PCDHGA2: variants seen among roughly 807,000 people sequenced by gnomAD.
The protein encoded by PCDHGA2 is protocadherin gamma subfamily A, 2.
In PCDHGA2, 40 loss-of-function variants were observed where a neutral mutation model predicts 59.2. That is an observed-to-expected ratio of 0.68 (90% CI 0.52 to 0.88). The LOEUF (loss-of-function observed/expected upper bound fraction) is 0.88. Ranked by LOEUF, PCDHGA2 falls within the 40% of genes least tolerant of loss-of-function variation. PCDHGA2 has a pLI of 0.00. For synonymous variants in PCDHGA2, 560 were observed against 526.0 expected (o/e 1.06, Z -0.89); for missense variants, 1,226 against 1,204.0 (o/e 1.02, Z -0.27).
rs779949480 is a variant in PCDHGA2, at chr5:141,489,768, C to G, written c.2425-5039C>G. The G allele has an allele frequency of 6.2e-7, 1 of 1,614,134 alleles. No individual in the cohort carries two copies. The highest frequency in any genetic ancestry group is 1.1e-5 in the South Asian group (1 of 91,072). On this transcript the variant is annotated intron_variant, in intron 1 of 3. Coordinates refer to ENST00000394576, the MANE Select transcript of PCDHGA2 (RefSeq NM_018915.4). The surrounding 1 kb of genome is among the most constrained non-coding windows in gnomAD (Gnocchi z 4.5). ...GCTTTTACACTCTAAGCCCCAACAG[C>G]CACTTCTCTCTGAATGTGAAGACCC...
rs573137440 is a variant in PCDHGA2 at position 141,365,509 on chromosome 5, A to G, written c.2424+24114A>G. 14 of 1,613,912 alleles carry G rather than the reference A, an allele frequency of 8.7e-6. No individual in the cohort carries two copies. The East Asian group carries it at 2.9e-4, about 33-fold the overall frequency. On this transcript the variant is annotated intron_variant, in intron 1 of 3. Transcript: ENST00000394576. ...CTATTCCTAGGAATTTGCCTTTTAA[A>G]TTGGAGAAGTCAGTTGATAATTACT...
chr5:141,340,291 C>G lies in PCDHGA2; in HGVS notation c.1320C>G (p.Leu440=), dbSNP rs1392893091. 5.0e-6 allele frequency: 8 copies of G among 1,614,054 alleles called. No individual in the cohort carries two copies. The highest frequency in any genetic ancestry group is 4.4e-5 in the South Asian group (4 of 91,090). ...TGTCCACGGATGCTCACATTTTGCT[C>G]CAGGTGGCAGACATCAACGACAACG... The part of the protein sequence containing the change: ...PSLSTDAHIL[L]QVADINDNAP... Residue 440 remains leucine (L), a synonymous_variant, in exon 1 of 4, where the codon CTC becomes CTG. Coordinates refer to ENST00000394576, the MANE Select transcript of PCDHGA2 (RefSeq NM_018915.4).
intron 1 of PCDHGA2, chr5:141,405,178 T>C (rs769150671): frequency 3.1e-6 from 5 of 1,613,890 alleles, no homozygotes; most frequent in African/African-American, 2.7e-5. Flanking sequence ...ACTTTGTGGG[T>C]GTAGATGGGG....
intron 1 of PCDHGA2, among the ~76,000 whole-genome samples, chr5:141,457,543 A>G (rs555448211): frequency 2.6e-5 from 4 of 152,346 alleles, no homozygotes; most frequent in African/African-American, 9.6e-5. Flanking sequence ...TTAATGACAA[A>G]TGTATGATAA....
intron 1 of PCDHGA2, among the ~76,000 whole-genome samples, chr5:141,435,357 T>C (rs749223776): frequency 6.6e-6 from 1 of 152,208 alleles, no homozygotes; most frequent in Non-Finnish European, 1.5e-5. Flanking sequence ...CATTTAAAAT[T>C]TTATCACTTA....
intron 1 of PCDHGA2, chr5:141,372,371 G>A: frequency 6.2e-7 from 1 of 1,613,974 alleles, no homozygotes; most frequent in Non-Finnish European, 8.5e-7. Flanking sequence ...CCACCGTCAT[G>A]CTGCACCTAA....
At chr5:141,458,319 T>C (rs2879229) in intron 1 of PCDHGA2, among the ~76,000 whole-genome samples, 84,591 of 151,864 alleles carry the variant, frequency 0.56, 26,265 homozygotes, top group African/African-American at 0.85. Flanking sequence ...CACAGACACA[T>C]GTGGAGTGGT....
chr5:141,465,800 C>G (rs1486100601), intron 1 of PCDHGA2, among the ~76,000 whole-genome samples: 2 of 151,524 alleles, frequency 1.3e-5, no homozygotes, highest in East Asian at 3.9e-4. Flanking sequence ...TTTAAGAAAC[C>G]CTTCAGGATC....
At chr5:141,369,567 A>G (rs1325702872) in intron 1 of PCDHGA2, among the ~76,000 whole-genome samples, 2 of 152,244 alleles carry the variant, frequency 1.3e-5, no homozygotes, top group African/African-American at 4.8e-5. Flanking sequence ...ACAAAGGAAA[A>G]GAGACCCTCT....
chr5:141,371,888 G>C (rs1464333099), intron 1 of PCDHGA2: 1 of 1,613,320 alleles, frequency 6.2e-7, no homozygotes, highest in East Asian at 2.2e-5. Context: ...ACCTGGAGCC[G>C]CGGGAGCTGT....
chr5:141,499,122 A>G (rs971741957), intron 2 of PCDHGA2, among the ~76,000 whole-genome samples: 3 of 152,140 alleles, frequency 2.0e-5, no homozygotes, highest in African/African-American at 7.2e-5. Context: ...ATCCCTTCTC[A>G]GGTCATCCTT....
intron 1 of PCDHGA2, 82 bp from the exon 2 acceptor site, chr5:141,494,725 C>G: frequency 6.2e-7 from 1 of 1,610,026 alleles, no homozygotes; most frequent in East Asian, 2.2e-5. Flanking sequence ...CCCTCCTTCT[C>G]TCCCGGCCCA....
At position 141,486,272 on chromosome 5, in the gene PCDHGA2, A is replaced by C. The variant is rs2099627166; in HGVS notation, c.2425-8535A>C. On this transcript the variant is annotated intron_variant, in intron 1 of 3. Transcript: ENST00000394576. The surrounding 1 kb of genome is among the most constrained non-coding windows in gnomAD (Gnocchi z 5.0). ...CCTCCCCGAGAGTGCAGAACCTGGC[A>C]CTGTGGTGGCACTTATCAGTGTGCA... 1 of 1,613,886 alleles carries C rather than the reference A, an allele frequency of 6.2e-7. No individual in the cohort carries two copies. Among genetic ancestry groups the C allele is most frequent in the Non-Finnish European group, 8.5e-7 (1 of 1,179,986 alleles).
In PCDHGA2 at chr5:141,339,717, T is replaced by A. The variant is rs761046052; in HGVS notation, c.746T>A (p.Ile249Lys). 2 of 1,614,138 alleles carry A rather than the reference T, an allele frequency of 1.2e-6. No homozygotes were observed. The highest frequency in any genetic ancestry group is 3.3e-5 in the Admixed American group (2 of 60,028). The stretch of plus-strand genomic sequence containing the variant: ...GTTTTTACACAGCCCGAGTACCGCA[T>A]AAGCATTCCGGAGAATACGCTCGTG... ...APVFTQPEYRISIPENTLVGT... is the reference protein window; with the variant it reads ...APVFTQPEYRKSIPENTLVGT... The change falls in exon 1 of 4, where the codon ATA becomes AAA. Residue 249 changes from isoleucine to lysine, a missense_variant. Coordinates refer to ENST00000394576, the MANE Select transcript of PCDHGA2 (RefSeq NM_018915.4).
intron 1 of PCDHGA2, chr5:141,360,069 G>A (rs1761407187): frequency 6.8e-7 from 1 of 1,469,142 alleles, no homozygotes; most frequent in Non-Finnish European, 9.0e-7. Flanking sequence ...AGTGACCTTA[G>A]CCCGGATTCT....
intron 1 of PCDHGA2, among the ~76,000 whole-genome samples, chr5:141,456,406 G>A (rs1038971451): frequency 2.0e-5 from 3 of 152,080 alleles, no homozygotes; most frequent in South Asian, 2.1e-4. Flanking sequence ...GCTTCTAGGC[G>A]AGAAGAAACA....
chr5:141,371,426 C>G, intron 1 of PCDHGA2: 1 of 1,613,892 alleles, frequency 6.2e-7, no homozygotes, highest in Non-Finnish European at 8.5e-7. Flanking sequence ...ATGACAATGC[C>G]CCGGAGATAA....
chr5:141,470,872 T>G, intron 1 of PCDHGA2, among the ~76,000 whole-genome samples: 1 of 151,814 alleles, frequency 6.6e-6, no homozygotes, highest in East Asian at 1.9e-4. Context: ...GTTTGTTTGT[T>G]TTTTTGTTTT....
At chr5:141,479,084 G>A (rs749298402) in intron 1 of PCDHGA2, among the ~76,000 whole-genome samples, 19 of 152,016 alleles carry the variant, frequency 1.2e-4, no homozygotes, top group Non-Finnish European at 1.9e-4. Flanking sequence ...GAAATTCCAG[G>A]CATCCTTTAA....
Sources: allele counts gnomAD v4.1 joint callset (sites outside exome capture counted in the v4.1 genomes callset), GRCh38; gene constraint gnomAD v4.1.1; non-coding constraint Gnocchi (gnomAD v3.1); transcripts MANE v1.5; gene names NCBI Gene and HGNC (gene_info 2026-07-23, HGNC 2026-07-21).